NCK2: variants seen among roughly 807,000 people sequenced by gnomAD.
The protein encoded by NCK2 is cytoplasmic protein NCK2.
Under a neutral mutation model 33.9 loss-of-function variants are expected in NCK2, and 16 were observed. The observed-to-expected ratio is 0.47, with a 90% CI of 0.32 to 0.72. The LOEUF (loss-of-function observed/expected upper bound fraction) is 0.72, where lower values mean the gene tolerates loss of function less well. Ranked by LOEUF, NCK2 falls within the 30% of genes least tolerant of loss-of-function variation. The probability of loss-of-function intolerance (pLI) is 0.03; values close to 1 mark genes in which losing one functional copy is unlikely to be tolerated. For missense variants in NCK2, 418 were observed against 537.3 expected (o/e 0.78, Z 2.19); for synonymous variants, 273 against 239.9 (o/e 1.14, Z -1.27).
chr2:105,783,028 C>T (rs1690552614), intron 1 of NCK2, among the ~76,000 whole-genome samples: 1 of 152,178 alleles, frequency 6.6e-6, no homozygotes. Flanking sequence ...GCCTTAAGGC[C>T]AGAGCCTTTT....
intron 3 of NCK2, among the ~76,000 whole-genome samples, chr2:105,869,748 CA>C (rs1435960766): frequency 1.3e-4 from 20 of 152,240 alleles, no homozygotes; most frequent in African/African-American, 4.6e-4. Context: ...TTTGCATATT[CA>C]AAAACGCTTG....
chr2:105,857,741 T>C (rs1677339539), intron 3 of NCK2, among the ~76,000 whole-genome samples: 1 of 152,328 alleles, frequency 6.6e-6, no homozygotes, highest in African/African-American at 2.4e-5. Context: ...AATATCCCCA[T>C]GGTTAGTATA....
intron 1 of NCK2, among the ~76,000 whole-genome samples, chr2:105,815,263 A>C (rs780370050): frequency 6.6e-6 from 1 of 152,286 alleles, no homozygotes. Flanking sequence ...TAGAGAATAC[A>C]TAAAAAGGAA....
At chr2:105,876,825 C>T (rs925422635) in intron 3 of NCK2, among the ~76,000 whole-genome samples, 1 of 152,174 alleles carries the variant, frequency 6.6e-6, no homozygotes, top group South Asian at 2.1e-4. Flanking sequence ...ATCTGGGTGC[C>T]GCCTCTTTAC....
chr2:105,880,778 G>T (rs577099889), intron 3 of NCK2, among the ~76,000 whole-genome samples: 1 of 151,942 alleles, frequency 6.6e-6, no homozygotes, highest in Non-Finnish European at 1.5e-5. Flanking sequence ...TGGTATTCCC[G>T]CATTTTTTGG....
chr2:105,777,583 T>C (rs1690352108), intron 1 of NCK2, among the ~76,000 whole-genome samples: 1 of 152,220 alleles, frequency 6.6e-6, no homozygotes, highest in Non-Finnish European at 1.5e-5. Flanking sequence ...ATGAAAAGTT[T>C]AACATGACCT....
At chr2:105,811,341 A>G (rs1287102015) in intron 1 of NCK2, among the ~76,000 whole-genome samples, 4 of 152,146 alleles carry the variant, frequency 2.6e-5, no homozygotes, top group African/African-American at 4.8e-5. Flanking sequence ...TGGCCAAGTT[A>G]GGCCTACAGC....
chr2:105,752,122 A>C (rs1689472627), intron 1 of NCK2, among the ~76,000 whole-genome samples: 1 of 152,194 alleles, frequency 6.6e-6, no homozygotes, highest in Non-Finnish European at 1.5e-5. Context: ...CTGCATTTTG[A>C]TTGGCCTTGG....
At chr2:105,795,312 T>TC (rs1691039903) in intron 1 of NCK2, among the ~76,000 whole-genome samples, 1 of 151,280 alleles carries the variant, frequency 6.6e-6, no homozygotes, top group Non-Finnish European at 1.5e-5. Flanking sequence ...ATTTTTTTTT[T>TC]CCTCAAATAA....
At chr2:105,765,590 A>G (rs988211972) in intron 1 of NCK2, among the ~76,000 whole-genome samples, 4 of 151,972 alleles carry the variant, frequency 2.6e-5, no homozygotes, top group African/African-American at 9.6e-5. Context: ...TGTTTGGGGC[A>G]TGATGTCAGT....
At chr2:105,787,441 A>C (rs1690717838) in intron 1 of NCK2, among the ~76,000 whole-genome samples, 1 of 152,070 alleles carries the variant, frequency 6.6e-6, no homozygotes, top group African/African-American at 2.4e-5. Flanking sequence ...CTGAAAAGAG[A>C]CAGCAGAGAG....
chr2:105,815,883 C>T (rs1663251094), intron 1 of NCK2, among the ~76,000 whole-genome samples: 1 of 152,098 alleles, frequency 6.6e-6, no homozygotes, highest in Non-Finnish European at 1.5e-5. Flanking sequence ...TTCTGGGAGG[C>T]TTTTAAAGGT....
intron 2 of NCK2, among the ~76,000 whole-genome samples, chr2:105,818,278 T>TGGGGGGG (rs1558852260): frequency 1.3e-4 from 2 of 15,094 alleles, no homozygotes; most frequent in Non-Finnish European, 1.1e-4. Context: ...GGGCCTGTTT[T>TGGGGGGG]GGGGTGGGGG....
intron 1 of NCK2, among the ~76,000 whole-genome samples, chr2:105,770,124 T>TAAAAAAA (rs76726445): frequency 7.9e-5 from 10 of 126,628 alleles, no homozygotes; most frequent in East Asian, 4.4e-4. Flanking sequence ...CACTAATAAG[T>TAAAAAAA]AAAAAAAAAA....
At chr2:105,752,440 T>C (rs1689481917) in intron 1 of NCK2, among the ~76,000 whole-genome samples, 1 of 152,214 alleles carries the variant, frequency 6.6e-6, no homozygotes, top group Non-Finnish European at 1.5e-5. Flanking sequence ...TATCTTAAAA[T>C]GTGGTTTGAA....
At chr2:105,774,169 C>T (rs938693440) in intron 1 of NCK2, among the ~76,000 whole-genome samples, 5 of 151,988 alleles carry the variant, frequency 3.3e-5, no homozygotes, top group Non-Finnish European at 7.4e-5. Context: ...CCACCACACC[C>T]AGCTAATTTT....
intron 1 of NCK2, among the ~76,000 whole-genome samples, chr2:105,751,104 T>C (rs12987484): frequency 0.25 from 37,693 of 152,172 alleles, 5,428 homozygotes; most frequent in Middle Eastern, 0.36. Flanking sequence ...ATGCTTTGTT[T>C]GCTCATTCAT....
intron 1 of NCK2, among the ~76,000 whole-genome samples, chr2:105,745,356 G>A (rs989833768): frequency 1.3e-5 from 2 of 151,714 alleles, no homozygotes; most frequent in Admixed American, 6.6e-5. Context: ...CTTCCTGCCC[G>A]CCTTCCCATC....
intron 1 of NCK2, among the ~76,000 whole-genome samples, chr2:105,789,985 A>T (rs1404382360): frequency 2.6e-5 from 4 of 152,236 alleles, no homozygotes; most frequent in Admixed American, 2.6e-4. Flanking sequence ...GGGTAATCAG[A>T]GTCCAACACT....
Sources: gnomAD v4.1 joint callset for allele counts (sites outside exome capture counted in the v4.1 genomes callset) on GRCh38, gnomAD v4.1.1 for gene constraint, MANE v1.5 for transcripts, NCBI Gene and HGNC (gene_info 2026-07-23, HGNC 2026-07-21) for gene names.